The following IL12RB2 variants were observed in gnomAD, a reference collection of about 807,000 sequenced individuals.
The protein encoded by IL12RB2 is interleukin 12 receptor subunit beta 2.
IL12RB2 carries 82 observed loss-of-function variants against 89.4 expected under a neutral mutation model. The ratio of observed to expected loss-of-function variants is 0.92; its 90% CI spans 0.77 to 1.10. IL12RB2 has a LOEUF of 1.10. IL12RB2 is among the 50% of genes least tolerant of loss of function. The probability of loss-of-function intolerance (pLI) is 0.00; values close to 1 mark genes in which losing one functional copy is unlikely to be tolerated. For missense variants in IL12RB2, 963 were observed against 1,031.9 expected (o/e 0.93, Z 0.92); for synonymous variants, 368 against 370.1 (o/e 0.99, Z 0.07).
chr1:67,335,786 A>C (rs1032511136), intron 8 of IL12RB2, among the ~76,000 whole-genome samples: 2 of 152,044 alleles, frequency 1.3e-5, no homozygotes, highest in African/African-American at 4.8e-5. Context: ...GTGATTTTAC[A>C]CCCCTGGTCA....
At chr1:67,375,445 T>C (rs558235844) in intron 13 of IL12RB2, among the ~76,000 whole-genome samples, 3 of 152,268 alleles carry the variant, frequency 2.0e-5, no homozygotes, top group South Asian at 2.1e-4. Context: ...GTAACTGTCA[T>C]AATCAAGGAC....
chr1:67,360,374 G>A (rs557793291), intron 10 of IL12RB2, among the ~76,000 whole-genome samples: 54 of 151,746 alleles, frequency 3.6e-4, no homozygotes, highest in African/African-American at 1.0e-3. Context: ...ACTCCAGCCC[G>A]GGTGACAGAG....
At chr1:67,358,587 TAATTAA>T (rs1273730375) in intron 10 of IL12RB2, among the ~76,000 whole-genome samples, 2 of 151,022 alleles carry the variant, frequency 1.3e-5, no homozygotes, top group African/African-American at 4.9e-5. Flanking sequence ...AAAAAAAAAT[TAATTAA>T]AATTAAAATT....
At chr1:67,361,680 A>C (rs1218844383) in intron 10 of IL12RB2, among the ~76,000 whole-genome samples, 1 of 152,182 alleles carries the variant, frequency 6.6e-6, no homozygotes, top group Non-Finnish European at 1.5e-5. Flanking sequence ...CAAAAGATGT[A>C]ACCTACACAT....
At chr1:67,311,567 T>A (rs1655066810) in intron 1 of IL12RB2, among the ~76,000 whole-genome samples, 1 of 152,220 alleles carries the variant, frequency 6.6e-6, no homozygotes, top group Non-Finnish European at 1.5e-5. Context: ...CTTTGCACAG[T>A]GATAAACTAC....
In IL12RB2 at chr1:67,390,044, A is replaced by G. The variant is rs144707037; in HGVS notation, c.1962A>G (p.Leu654=). 437 of 1,287,882 alleles carry G rather than the reference A, an allele frequency of 3.4e-4. No homozygotes were observed. Among genetic ancestry groups the G allele is most frequent in the Non-Finnish European group, 4.6e-4 (404 of 881,982 alleles). 79.8% of individuals were successfully genotyped at this position (1,287,882 alleles called of 1,614,324 possible). A position where few individuals can be genotyped will look rare whatever the true frequency, so the allele number is the denominator to read the frequency against. Residue 654 remains leucine, a synonymous_variant, in exon 16 of 17, where the codon CTA becomes CTG. Transcript: ENST00000674203. The part of the protein sequence containing the change: ...HYFQQKVFVL[L]AALRPQWCSR... ...TTATCTATAGGGTGTTTGTTCTCCT[A>G]GCAGCCCTCAGACCTCAGTGGTGTA...
intron 2 of IL12RB2, among the ~76,000 whole-genome samples, chr1:67,314,466 C>G (rs1025470365): frequency 5.9e-5 from 9 of 152,148 alleles, no homozygotes; most frequent in Non-Finnish European, 1.2e-4. Flanking sequence ...GTAACTTTGT[C>G]GAGCTAGGTA....
Position 67,372,637 on chromosome 1 carries a change from GC to G in IL12RB2, c.1576del (p.His526ThrfsTer13). On this transcript the variant is annotated frameshift_variant, in exon 13 of 17. Coordinates refer to ENST00000674203, the MANE Select transcript of IL12RB2 (RefSeq NM_001374259.2). LOFTEE classifies it high-confidence loss of function. ...GNSKHKAPLS[G>X]PHINAITEEK... ...CCCTACTTTACAGCACCACTGAGTG[GC>G]CCCCACATTAATGCCATCACAGAGG... 1 of 1,613,610 alleles carries G rather than the reference GC, an allele frequency of 6.2e-7. No homozygotes were observed. The highest frequency in any genetic ancestry group is 1.1e-5 in the South Asian group (1 of 91,078).
At chr1:67,381,751 G>T (rs1311742241) in intron 14 of IL12RB2, among the ~76,000 whole-genome samples, 1 of 141,692 alleles carries the variant, frequency 7.1e-6, no homozygotes, top group Non-Finnish European at 1.5e-5. Flanking sequence ...GGGCGACAGA[G>T]TGAGACTATG....
chr1:67,326,648 C>T (rs1241256231), intron 4 of IL12RB2, 87 bp from the exon 5 acceptor site: 8 of 1,545,172 alleles, frequency 5.2e-6, no homozygotes, highest in Admixed American at 1.9e-5. Context: ...ATGTGGGGGA[C>T]GTATTGTCAT....
intron 8 of IL12RB2, among the ~76,000 whole-genome samples, chr1:67,338,172 T>C (rs1659045116): frequency 6.6e-6 from 1 of 150,728 alleles, no homozygotes; most frequent in South Asian, 2.1e-4. Flanking sequence ...GTATAAAAAA[T>C]ACAGAAATTA....
chr1:67,321,170 T>C (rs1189766991), intron 3 of IL12RB2, among the ~76,000 whole-genome samples: 1 of 152,198 alleles, frequency 6.6e-6, no homozygotes, highest in Non-Finnish European at 1.5e-5. Flanking sequence ...ACTGTCTTTT[T>C]TTTCTTGGTA....
rs112802463 is a variant in IL12RB2 at position 67,322,102 on chromosome 1, G to A, written c.364+213G>A. Among the ~76,000 whole-genome samples, 17 of 149,276 alleles carry A rather than the reference G, an allele frequency of 1.1e-4. 1 individual carries two copies. The highest frequency in any genetic ancestry group is 3.0e-4 in the African/African-American group (12 of 39,480). Reference sequence around the variant, plus strand: ...GCAAGTCTCTCTCTCTCTCTCTCTCGCCATTAAAACCATTTATCTGTTGTC... The same window carrying A: ...GCAAGTCTCTCTCTCTCTCTCTCTCACCATTAAAACCATTTATCTGTTGTC... On this transcript the variant is annotated intron_variant, in intron 4 of 16. Coordinates refer to ENST00000674203, the MANE Select transcript of IL12RB2 (RefSeq NM_001374259.2).
chr1:67,347,695 T>C (rs1347162583), intron 9 of IL12RB2, among the ~76,000 whole-genome samples: 1 of 152,174 alleles, frequency 6.6e-6, no homozygotes, highest in African/African-American at 2.4e-5. Flanking sequence ...GCAATGGGAC[T>C]GTGGTTCCTT....
intron 4 of IL12RB2, among the ~76,000 whole-genome samples, chr1:67,324,277 CG>C (rs1284031480): frequency 1.2e-4 from 18 of 152,190 alleles, no homozygotes; most frequent in Admixed American, 1.1e-3. Context: ...AGCTGGAGTG[CG>C]GTGGCGCAAT....
At chr1:67,320,846 C>T (rs1056973883) in intron 3 of IL12RB2, among the ~76,000 whole-genome samples, 1 of 151,900 alleles carries the variant, frequency 6.6e-6, no homozygotes, top group Non-Finnish European at 1.5e-5. Context: ...CCCATCAACC[C>T]GTCAACTACA....
intron 6 of IL12RB2, 91 bp downstream of exon 6, chr1:67,328,475 A>T: frequency 6.3e-7 from 1 of 1,593,664 alleles, no homozygotes; most frequent in Non-Finnish European, 8.5e-7. Flanking sequence ...AGAAAGACAG[A>T]GATTGATGGA....
At chr1:67,385,016 C>CA (rs1664991584) in intron 14 of IL12RB2, among the ~76,000 whole-genome samples, 2 of 152,308 alleles carry the variant, frequency 1.3e-5, no homozygotes, top group African/African-American at 4.8e-5. Flanking sequence ...CTGAGCCTTC[C>CA]AAACTGTTCC....
At position 67,372,634 on chromosome 1, in the gene IL12RB2, G is replaced by A; in HGVS notation, c.1568G>A (p.Ser523Asn). 1 of 1,613,854 alleles carries A rather than the reference G, an allele frequency of 6.2e-7. No homozygotes were observed. Among genetic ancestry groups the A allele is most frequent in the South Asian group, 1.1e-5 (1 of 91,084 alleles). The change falls in exon 13 of 17, where the codon AGT becomes AAT. Residue 523 changes from serine (S) to asparagine (N), a missense_variant. Ser to Asn is a conservative substitution (Grantham distance 46). Coordinates refer to ENST00000674203, the MANE Select transcript of IL12RB2 (RefSeq NM_001374259.2). ...GTGCCCTACTTTACAGCACCACTGA[G>A]TGGCCCCCACATTAATGCCATCACA... Reference protein sequence around the residue: ...LGNSKHKAPLSGPHINAITEE... With the variant: ...LGNSKHKAPLNGPHINAITEE...
Sources: allele counts gnomAD v4.1 joint callset (sites outside exome capture counted in the v4.1 genomes callset), GRCh38; gene constraint gnomAD v4.1.1; transcripts MANE v1.5; gene names NCBI Gene and HGNC (gene_info 2026-07-23, HGNC 2026-07-21).